Variants in NRXN3 observed in about 807,000 individuals in gnomAD.
NRXN3 encodes neurexin 3, also known as neurexin III.
A neutral mutation model predicts 137.6 loss-of-function variants in NRXN3; 32 were observed. That is an observed-to-expected ratio of 0.23 (90% confidence interval 0.18 to 0.31). The LOEUF is 0.31. NRXN3 is among the 10% of genes least tolerant of loss of function. The pLI is 1.00. For synonymous variants in NRXN3, 798 were observed against 784.5 expected (o/e 1.02, Z -0.29); for missense variants, 1,574 against 2,062.5 (o/e 0.76, Z 4.59).
At chr14:78,869,197 G>A (rs1029114372) in intron 10 of NRXN3, among the ~76,000 whole-genome samples, 68 of 152,034 alleles carry the variant, frequency 4.5e-4, no homozygotes, top group African/African-American at 1.5e-3. Context: ...TTTTCTTCCC[G>A]TACCCTGCAA....
At chr14:78,613,558 A>G (rs1186804901) in intron 4 of NRXN3, among the ~76,000 whole-genome samples, 1 of 151,206 alleles carries the variant, frequency 6.6e-6, no homozygotes, top group Non-Finnish European at 1.5e-5. Flanking sequence ...GCAAGAGGAG[A>G]AAACTGTCTC....
rs559667684 is a variant in NRXN3, at chr14:78,723,590, C to T, written c.2044+8451C>T. ...CACTCGGAACATATGTATTTACCTT[C>T]TCACCTTCTCTCTGTGCCTCCGTTT... On this transcript the variant is annotated intron_variant, in intron 8 of 20. Transcript: ENST00000335750. 3.3e-5 allele frequency among the ~76,000 whole-genome samples: 5 copies of T among 152,302 alleles called. No individual in the cohort carries two copies. In the South Asian group the frequency reaches 1.0e-3, roughly 32 times the overall value.
chr14:78,389,382 T>C (rs1042019217), intron 4 of NRXN3, among the ~76,000 whole-genome samples: 4 of 152,078 alleles, frequency 2.6e-5, no homozygotes, highest in African/African-American at 9.7e-5. Context: ...TACTGAAACA[T>C]TGCCTTCCAG....
intron 15 of NRXN3, among the ~76,000 whole-genome samples, chr14:79,203,584 G>A (rs1349428929): frequency 6.6e-6 from 1 of 152,134 alleles, no homozygotes; most frequent in South Asian, 2.1e-4. Flanking sequence ...TCCTGTGATA[G>A]CATTTTTCTC....
chr14:78,410,423 A>G (rs2092755564), intron 4 of NRXN3, among the ~76,000 whole-genome samples: 1 of 152,200 alleles, frequency 6.6e-6, no homozygotes. Context: ...GGAGTATTCC[A>G]CAGTGGCTCA....
At chr14:79,691,066 A>T (rs1398750944) in intron 17 of NRXN3, among the ~76,000 whole-genome samples, 2 of 152,092 alleles carry the variant, frequency 1.3e-5, no homozygotes, top group African/African-American at 4.8e-5. Context: ...TTGATGAGAT[A>T]GAACAGTTCC....
chr14:78,875,040 G>A (rs973047828), intron 10 of NRXN3, among the ~76,000 whole-genome samples: 4 of 152,228 alleles, frequency 2.6e-5, no homozygotes, highest in Non-Finnish European at 4.4e-5. Context: ...ATAGTTGGAG[G>A]AAATGTGAAG....
intron 15 of NRXN3, among the ~76,000 whole-genome samples, chr14:79,191,346 C>A (rs1294441708): frequency 6.6e-6 from 1 of 152,302 alleles, no homozygotes; most frequent in African/African-American, 2.4e-5. Flanking sequence ...TAGATGAAGA[C>A]AATTTATGTA....
intron 15 of NRXN3, among the ~76,000 whole-genome samples, chr14:79,437,435 A>G (rs963151359): frequency 6.6e-6 from 1 of 151,528 alleles, no homozygotes; most frequent in Non-Finnish European, 1.5e-5. Context: ...AAAAAGCTCC[A>G]TCTGAGAACC....
chr14:78,715,508 G>A (rs1394325127), intron 8 of NRXN3, among the ~76,000 whole-genome samples: 2 of 152,172 alleles, frequency 1.3e-5, no homozygotes, highest in Non-Finnish European at 2.9e-5. Flanking sequence ...GCTAACTCCT[G>A]GGTTAGGCTT....
At chr14:79,273,737 A>C (rs2079793420) in intron 15 of NRXN3, among the ~76,000 whole-genome samples, 1 of 152,178 alleles carries the variant, frequency 6.6e-6, no homozygotes, top group Admixed American at 6.5e-5. Flanking sequence ...TAAACTTGAC[A>C]ACAAACCTAT....
chr14:78,310,539 A>G (rs1211804538), intron 4 of NRXN3, among the ~76,000 whole-genome samples: 3 of 152,016 alleles, frequency 2.0e-5, no homozygotes, highest in African/African-American at 4.8e-5. Flanking sequence ...TCCCCAAGTG[A>G]CCAGTAATGA....
At chr14:79,307,131 C>G (rs2086222238) in intron 15 of NRXN3, among the ~76,000 whole-genome samples, 1 of 152,076 alleles carries the variant, frequency 6.6e-6, no homozygotes, top group Non-Finnish European at 1.5e-5. Context: ...TGCACCAAAG[C>G]CTAAGAATGA....
chr14:78,803,126 C>T lies in NRXN3; in HGVS notation c.2045-494C>T, dbSNP rs1252596809. ...CACTGGGGATGTTATGATGCCAGAC[C>T]ATGCTGCTACTTTTTCCTTCCTTTA... On this transcript the variant is annotated intron_variant, in intron 8 of 20. Coordinates refer to ENST00000335750, the MANE Select transcript of NRXN3 (RefSeq NM_001330195.2). 2.6e-5 allele frequency among the ~76,000 whole-genome samples: 4 copies of T among 152,280 alleles called. No homozygotes were observed. In the East Asian group the frequency reaches 7.7e-4, roughly 29 times the overall value.
chr14:79,215,785 T>C (rs943322845), intron 15 of NRXN3, among the ~76,000 whole-genome samples: 2 of 152,116 alleles, frequency 1.3e-5, no homozygotes, highest in Non-Finnish European at 2.9e-5. Flanking sequence ...ATAGGTCAGA[T>C]TGGTAAAAGT....
intron 15 of NRXN3, among the ~76,000 whole-genome samples, chr14:79,259,938 T>C (rs750978424): frequency 2.6e-5 from 4 of 152,064 alleles, no homozygotes; most frequent in South Asian, 2.1e-4. Context: ...TCCCCCACCT[T>C]TCCTTTTACC....
At chr14:78,748,888 T>C (rs116502869) in intron 8 of NRXN3, among the ~76,000 whole-genome samples, 29 of 152,296 alleles carry the variant, frequency 1.9e-4, no homozygotes, top group African/African-American at 6.5e-4. Flanking sequence ...ATCACTATGC[T>C]GGGAATATCA....
At chr14:78,256,495 C>T (rs989611882) in intron 2 of NRXN3, among the ~76,000 whole-genome samples, 4 of 152,228 alleles carry the variant, frequency 2.6e-5, no homozygotes, top group Non-Finnish European at 5.9e-5. Context: ...AATCCAAGGA[C>T]TCTGTGGTTT....
intron 15 of NRXN3, among the ~76,000 whole-genome samples, chr14:79,327,359 G>A (rs1477622562): frequency 6.6e-6 from 1 of 152,152 alleles, no homozygotes; most frequent in African/African-American, 2.4e-5. Context: ...GGAGAGATGA[G>A]AGTTCAATCT....
Sources: gnomAD v4.1 joint callset for allele counts (sites outside exome capture counted in the v4.1 genomes callset) on GRCh38, gnomAD v4.1.1 for gene constraint, MANE v1.5 for transcripts, NCBI Gene and HGNC (gene_info 2026-07-23, HGNC 2026-07-21) for gene names.